Variants in GLIS3 observed in about 807,000 individuals in gnomAD.
The protein encoded by GLIS3 is zinc finger protein GLIS3.
A neutral mutation model predicts 78.6 loss-of-function variants in GLIS3; 53 were observed. The observed-to-expected ratio is 0.67, with a 90% CI of 0.54 to 0.85. The LOEUF (loss-of-function observed/expected upper bound fraction) is 0.85, where lower values mean the gene tolerates loss of function less well. GLIS3 is among the 40% of genes least tolerant of loss of function. The pLI is 0.00. For synonymous variants in GLIS3, 684 were observed against 509.9 expected, an observed-to-expected ratio of 1.34 and a Z score of -4.60; for missense variants, 1,703 against 1,231.1, an observed-to-expected ratio of 1.38 and a Z score of -5.74.
At chr9:4,405,909 T>C in the GLIS3 span, among the ~76,000 whole-genome samples, 1 of 152,318 alleles carries the variant, frequency 6.6e-6, no homozygotes, top group African/African-American at 2.4e-5. Context: ...GCAAGGATGG[T>C]TCAACATACG....
At chr9:4,153,396 T>C (rs1834826044) in intron 2 of GLIS3, among the ~76,000 whole-genome samples, 1 of 152,152 alleles carries the variant, frequency 6.6e-6, no homozygotes, top group Non-Finnish European at 1.5e-5. Flanking sequence ...AAACCCTGTC[T>C]CCACTAAAAA....
chr9:4,059,045 T>C (rs1021054588), intron 4 of GLIS3, among the ~76,000 whole-genome samples: 6 of 151,866 alleles, frequency 4.0e-5, no homozygotes, highest in East Asian at 1.9e-4. Flanking sequence ...AGGCTGCTAG[T>C]TGACGAAGGG....
chr9:4,149,552 G>A (rs192942127), intron 2 of GLIS3, among the ~76,000 whole-genome samples: 1 of 152,316 alleles, frequency 6.6e-6, no homozygotes, highest in East Asian at 1.9e-4. Flanking sequence ...ATAAGCAATA[G>A]TCAGGCATGA....
chr9:4,401,749 G>C, the GLIS3 span, among the ~76,000 whole-genome samples: 4 of 149,402 alleles, frequency 2.7e-5, no homozygotes, highest in East Asian at 6.2e-4. Flanking sequence ...ATGCTACCAT[G>C]CCCAGCTAAT....
At chr9:4,302,714 G>C (rs770264310), upstream of GLIS3, among the ~76,000 whole-genome samples, 1 of 152,176 alleles carries the variant, frequency 6.6e-6, no homozygotes, top group Non-Finnish European at 1.5e-5. Flanking sequence ...CAACATTACT[G>C]TACTACAGAA....
chr9:4,366,471 G>C, the GLIS3 span, among the ~76,000 whole-genome samples: 2 of 152,170 alleles, frequency 1.3e-5, no homozygotes, highest in African/African-American at 4.8e-5. Context: ...TTTCCCGCCT[G>C]AGATGACCCA....
chr9:3,997,787 G>T (rs548683852), intron 4 of GLIS3, among the ~76,000 whole-genome samples: 1 of 151,970 alleles, frequency 6.6e-6, no homozygotes, highest in South Asian at 2.1e-4. Context: ...AAAGGAAATA[G>T]GAATAAGAAA....
At chr9:4,041,870 G>A (rs1824839516) in intron 4 of GLIS3, among the ~76,000 whole-genome samples, 2 of 152,152 alleles carry the variant, frequency 1.3e-5, no homozygotes, top group Admixed American at 6.5e-5. Flanking sequence ...CAGTCTTAGT[G>A]ATTATGCTTC....
At chr9:4,461,415 T>C in the GLIS3 span, among the ~76,000 whole-genome samples, 28 of 152,360 alleles carry the variant, frequency 1.8e-4, no homozygotes, top group Non-Finnish European at 3.5e-4. Context: ...AATGTTCTCA[T>C]ATTGGTATTA....
At chr9:4,137,134 G>A (rs1159064689) in intron 2 of GLIS3, among the ~76,000 whole-genome samples, 3 of 152,194 alleles carry the variant, frequency 2.0e-5, no homozygotes, top group African/African-American at 7.2e-5. Context: ...TGGTTATGAA[G>A]CAAGTTAGAG....
intron 2 of GLIS3, among the ~76,000 whole-genome samples, chr9:4,231,191 T>TAA (rs1822222721): frequency 1.3e-5 from 2 of 152,052 alleles, no homozygotes; most frequent in Admixed American, 6.5e-5. Context: ...CAGGTAGATA[T>TAA]AAAAAACAAT....
At chr9:4,444,364 G>A in the GLIS3 span, among the ~76,000 whole-genome samples, 3 of 152,212 alleles carry the variant, frequency 2.0e-5, no homozygotes, top group African/African-American at 7.2e-5. Flanking sequence ...CACATGCTAA[G>A]TTTATGTTTT....
chr9:4,408,504 G>A, the GLIS3 span, among the ~76,000 whole-genome samples: 360 of 151,700 alleles, frequency 2.4e-3, 1 homozygote, highest in African/African-American at 8.2e-3. Context: ...TGAGGCGGGC[G>A]GATCACAAGG....
chr9:4,333,385 G>A lies in GLIS3; in HGVS notation n.264+13696C>T, dbSNP rs560370028. Among the ~76,000 whole-genome samples, 15 of 151,808 alleles carry A rather than the reference G, an allele frequency of 9.9e-5. 1 individual carries two copies. In the East Asian group the frequency reaches 2.7e-3, roughly 27 times the overall value. The stretch of plus-strand genomic sequence containing the variant: ...AGGAAAAAGGGAAGAAAGGAAGGGA[G>A]AGAGGGAAAGAAAGAAAGAAACTAA... On this transcript the variant is annotated intron_variant and non_coding_transcript_variant, in intron 2 of 4. Transcript: ENST00000471664.
chr9:4,351,758 T>C (rs1047703461), upstream of GLIS3, among the ~76,000 whole-genome samples: 5 of 152,316 alleles, frequency 3.3e-5, no homozygotes, highest in African/African-American at 1.2e-4. Flanking sequence ...GGCCTTAGAT[T>C]TTTAAAATTA....
chr9:4,295,007 T>C (rs899384402), intron 1 of GLIS3, among the ~76,000 whole-genome samples: 3 of 152,174 alleles, frequency 2.0e-5, no homozygotes, highest in African/African-American at 7.2e-5. Context: ...TTAATTACAG[T>C]TGCATGTTTC....
At chr9:4,304,399 C>T (rs758267095), upstream of GLIS3, among the ~76,000 whole-genome samples, 65 of 152,214 alleles carry the variant, frequency 4.3e-4, no homozygotes, top group Middle Eastern at 6.8e-3. Flanking sequence ...CTTCCTATTT[C>T]TTGAGGAAGA....
intron 2 of GLIS3, among the ~76,000 whole-genome samples, chr9:4,179,311 T>A (rs767334229): frequency 6.6e-6 from 1 of 152,218 alleles, no homozygotes; most frequent in Non-Finnish European, 1.5e-5. Context: ...GAGACATGCA[T>A]GCATTTTCTT....
At chr9:4,162,598 G>T (rs13294305) in intron 2 of GLIS3, among the ~76,000 whole-genome samples, 1 of 152,094 alleles carries the variant, frequency 6.6e-6, no homozygotes, top group African/African-American at 2.4e-5. Flanking sequence ...GGTGGCTCAC[G>T]CCTGTAATCC....
Sources: allele counts gnomAD v4.1 joint callset (sites outside exome capture counted in the v4.1 genomes callset), GRCh38; gene constraint gnomAD v4.1.1; transcripts MANE v1.5; gene names NCBI Gene and HGNC (gene_info 2026-07-23, HGNC 2026-07-21).